CELF2: variants seen among roughly 807,000 people sequenced by gnomAD.
The protein encoded by CELF2 is CUGBP Elav-like family member 2.
CELF2 carries 8 observed loss-of-function variants against 62.6 expected under a neutral mutation model. That is an observed-to-expected ratio of 0.13 (90% CI 0.07 to 0.23). The LOEUF (loss-of-function observed/expected upper bound fraction) is 0.23. Ranked by LOEUF, CELF2 falls within the 10% of genes least tolerant of loss-of-function variation. CELF2 has a pLI of 1.00. For synonymous variants in CELF2, 258 were observed against 250.0 expected (o/e 1.03, Z -0.30); for missense variants, 333 against 671.0 (o/e 0.50, Z 5.56).
At chr10:11,134,173 G>A (rs551682331) in intron 1 of CELF2, among the ~76,000 whole-genome samples, 43 of 152,330 alleles carry the variant, frequency 2.8e-4, no homozygotes, top group Admixed American at 1.6e-3. Context: ...AAGGCCTGTT[G>A]CAGCAAAGCT....
At chr10:11,168,731 AT>A (rs2067956945) in intron 2 of CELF2, among the ~76,000 whole-genome samples, 1 of 152,072 alleles carries the variant, frequency 6.6e-6, no homozygotes, top group Admixed American at 6.5e-5. Context: ...GGTGAATTAG[AT>A]TTTCCCCCTC....
At chr10:11,184,328 CTG>C (rs766039501) in intron 2 of CELF2, among the ~76,000 whole-genome samples, 5 of 152,226 alleles carry the variant, frequency 3.3e-5, no homozygotes, top group Non-Finnish European at 2.9e-5. Context: ...AAGTCAGATA[CTG>C]TTAGTCTTCC....
chr10:10,711,598 G>C, the CELF2 span, among the ~76,000 whole-genome samples: 1 of 152,156 alleles, frequency 6.6e-6, no homozygotes, highest in Non-Finnish European at 1.5e-5. Flanking sequence ...ATAGAGGCAG[G>C]GGTGCAGGCA....
chr10:11,025,563 C>G (rs1370740508), intron 1 of CELF2, among the ~76,000 whole-genome samples: 1 of 152,132 alleles, frequency 6.6e-6, no homozygotes, highest in Non-Finnish European at 1.5e-5. Context: ...TCTCCCCAGT[C>G]ATGCTTAACT....
At position 11,157,230 on chromosome 10, in the gene CELF2, G is replaced by A. The variant is rs1254038173; in HGVS notation, c.75-8256G>A. On this transcript the variant is annotated intron_variant, in intron 1 of 12. Coordinates refer to ENST00000633077, the MANE Select transcript of CELF2 (RefSeq NM_001326342.2). This position sits in a 1 kb window ranked among gnomAD's most constrained non-coding sequence, Gnocchi z 4.9. ...CCGTGCCTCTCACACATGCATGGTT[G>A]TAGAGGAGCTGTGCTCTGGGGCCGC... Among the ~76,000 whole-genome samples, 1 of 152,166 alleles carries A rather than the reference G, an allele frequency of 6.6e-6. No homozygotes were observed. The highest frequency in any genetic ancestry group is 1.5e-5 in the Non-Finnish European group (1 of 68,036).
the CELF2 span, among the ~76,000 whole-genome samples, chr10:10,599,281 A>C: frequency 2.0e-5 from 3 of 152,312 alleles, no homozygotes; most frequent in East Asian, 5.8e-4. Context: ...CCTGTCACTT[A>C]ATTTCCTTGA....
chr10:11,294,814 G>C (rs560067272), intron 9 of CELF2, among the ~76,000 whole-genome samples: 1 of 152,330 alleles, frequency 6.6e-6, no homozygotes, highest in Admixed American at 6.5e-5. Context: ...GGGAGGCTGA[G>C]GCAGGAGAAT....
the CELF2 span, among the ~76,000 whole-genome samples, chr10:10,495,019 G>T: frequency 1.3e-5 from 2 of 152,092 alleles, no homozygotes; most frequent in Non-Finnish European, 2.9e-5. Context: ...GTTCATGCCT[G>T]CAATCCCAGC....
At chr10:10,676,813 T>C in the CELF2 span, among the ~76,000 whole-genome samples, 1 of 152,200 alleles carries the variant, frequency 6.6e-6, no homozygotes, top group African/African-American at 2.4e-5. Context: ...TTGTTTTACT[T>C]GTTATTAGGG....
the CELF2 span, among the ~76,000 whole-genome samples, chr10:10,469,904 T>G: frequency 6.6e-6 from 1 of 151,882 alleles, no homozygotes. Flanking sequence ...CTTGTATAAT[T>G]CATCTGAGTA....
chr10:10,514,481 A>T, the CELF2 span, among the ~76,000 whole-genome samples: 2 of 152,214 alleles, frequency 1.3e-5, no homozygotes, highest in Admixed American at 6.5e-5. Context: ...TACTTGAAGG[A>T]TGTTAACACA....
In CELF2 at chr10:11,136,885, C is replaced by G. The variant is rs942511919; in HGVS notation, c.75-28601C>G. Among the ~76,000 whole-genome samples the G allele has an allele frequency of 9.8e-5, 15 of 152,298 alleles. 2 individuals carry two copies. The highest frequency in any genetic ancestry group is 9.1e-4 in the Admixed American group (14 of 15,302). On this transcript the variant is annotated intron_variant, in intron 1 of 12. Coordinates refer to ENST00000633077, the MANE Select transcript of CELF2 (RefSeq NM_001326342.2). ...TATTTGGAATTTTTGAAACACAGGC[C>G]ACCTCTGCTTCAGATGGCATATCAT...
chr10:10,719,918 C>T, the CELF2 span, among the ~76,000 whole-genome samples: 2 of 152,154 alleles, frequency 1.3e-5, no homozygotes, highest in African/African-American at 4.8e-5. Flanking sequence ...CAAAAACAGC[C>T]GTTTTCAGTT....
chr10:10,585,409 G>A, the CELF2 span, among the ~76,000 whole-genome samples: 1 of 149,614 alleles, frequency 6.7e-6, no homozygotes, highest in East Asian at 2.0e-4. Flanking sequence ...TCTACCTTGG[G>A]TCATGGAGAA....
the CELF2 span, among the ~76,000 whole-genome samples, chr10:10,637,789 G>A: frequency 1.3e-5 from 2 of 152,098 alleles, no homozygotes; most frequent in African/African-American, 2.4e-5. Flanking sequence ...AGCATTGTCA[G>A]CCCCGTTTGG....
At chr10:10,535,153 A>G in the CELF2 span, among the ~76,000 whole-genome samples, 24 of 152,374 alleles carry the variant, frequency 1.6e-4, no homozygotes, top group East Asian at 2.9e-3. Context: ...CAATACTGGC[A>G]GATGAAATCA....
intron 1 of CELF2, among the ~76,000 whole-genome samples, chr10:11,151,186 C>T (rs555424838): frequency 5.3e-4 from 81 of 152,198 alleles, no homozygotes; most frequent in Non-Finnish European, 8.8e-4. Context: ...AAGTTTTCCA[C>T]CTCCGGTCCC....
intron 1 of CELF2, among the ~76,000 whole-genome samples, chr10:11,136,325 G>A (rs956492103): frequency 3.9e-5 from 6 of 152,162 alleles, no homozygotes; most frequent in East Asian, 3.9e-4. Context: ...AAACTTGGCC[G>A]GGCCCGGTGG....
chr10:10,881,980 C>T (rs1249774871), intron 1 of CELF2, among the ~76,000 whole-genome samples: 2 of 152,188 alleles, frequency 1.3e-5, no homozygotes, highest in African/African-American at 2.4e-5. Context: ...TGCATTTTGG[C>T]ATCTTTTAAC....
Sources: allele counts gnomAD v4.1 joint callset (sites outside exome capture counted in the v4.1 genomes callset), GRCh38; gene constraint gnomAD v4.1.1; non-coding constraint Gnocchi (gnomAD v3.1); transcripts MANE v1.5; gene names NCBI Gene and HGNC (gene_info 2026-07-23, HGNC 2026-07-21).